Variants in MUC5B observed in about 807,000 individuals in gnomAD.
The protein encoded by MUC5B is mucin-5B.
MUC5B carries 116 observed loss-of-function variants against 376.9 expected under a neutral mutation model. That is an observed-to-expected ratio of 0.31 (90% CI 0.26 to 0.36). The LOEUF is 0.36. Ranked by LOEUF, MUC5B falls within the 10% of genes least tolerant of loss-of-function variation. The probability of loss-of-function intolerance (pLI) is 1.00; values close to 1 mark genes in which losing one functional copy is unlikely to be tolerated. For synonymous variants in MUC5B, 3,517 were observed against 3,390.9 expected (o/e 1.04, Z -1.29); for missense variants, 7,165 against 7,769.9 (o/e 0.92, Z 2.93).
Position 1,253,386 on chromosome 11 carries a change from C to T in MUC5B, c.15217+406C>T, listed in dbSNP as rs969241202. Among the ~76,000 whole-genome samples the T allele has an allele frequency of 1.3e-5, 2 of 152,076 alleles. No individual in the cohort carries two copies. Among genetic ancestry groups the T allele is most frequent in the African/African-American group, 4.8e-5 (2 of 41,388 alleles). On this transcript the variant is annotated intron_variant, in intron 33 of 48. Transcript: ENST00000529681. The surrounding 1 kb of genome is among the most constrained non-coding windows in gnomAD (Gnocchi z 4.3). ...GGACCCTGCCCAGGGGCTTCTGGGG[C>T]CAGGAGAAGCTCAGGATGGAAGCGG...
chr11:1,249,979 A>C lies in MUC5B; in HGVS notation c.13099A>C (p.Thr4367Pro), dbSNP rs370357622. The change falls in exon 31 of 49, where the codon ACC (threonine) becomes CCC (proline). Residue 4367 changes from threonine to proline, a missense_variant. Coordinates refer to ENST00000529681, the MANE Select transcript of MUC5B (RefSeq NM_002458.3). Reference protein sequence around the residue: ...PETTHTSTVLTTKATTTRATS... With the variant: ...PETTHTSTVLPTKATTTRATS... ...GACCACCCACACCTCCACAGTGCTG[A>C]CCACGAAGGCCACCACGACAAGGGC... is the stretch of plus-strand genomic sequence containing the variant. 3.2e-5 allele frequency: 52 copies of C among 1,609,738 alleles called. No individual in the cohort carries two copies. The highest frequency in any genetic ancestry group is 4.3e-5 in the Non-Finnish European group (51 of 1,178,086).
At position 1,248,276 on chromosome 11, in the gene MUC5B, C is replaced by T. The variant is rs368715798; in HGVS notation, c.11396C>T (p.Ser3799Phe). 2 of 1,599,808 alleles carry T rather than the reference C, an allele frequency of 1.3e-6. No homozygotes were observed. Among genetic ancestry groups the T allele is most frequent in the South Asian group, 1.1e-5 (1 of 90,732 alleles). ...GCTACCAGCTTTACAGCCATCCCCT[C>T]CTCCTCCCTGGGCACCACCTGGACC... ...PTATSFTAIP[S>F]SSLGTTWTRL... is the part of the protein sequence containing the mutation. The change falls in exon 31 of 49, where the codon TCC becomes TTC. Residue 3799 changes from serine to phenylalanine, a missense_variant. Physicochemically the swap from Ser to Phe is radical, Grantham distance 155. Transcript: ENST00000529681.
At chr11:1,252,147 T>G (rs1862719253) in intron 31 of MUC5B, among the ~76,000 whole-genome samples, 196 bp from the exon 32 acceptor site, 1 of 151,894 alleles carries the variant, frequency 6.6e-6, no homozygotes. Context: ...CTGGCCACAC[T>G]CGGTCCCCAC....
chr11:1,229,532 G>A (rs1250317793), intron 9 of MUC5B, among the ~76,000 whole-genome samples, 158 bp from the exon 10 acceptor site: 2 of 152,150 alleles, frequency 1.3e-5, no homozygotes, highest in Non-Finnish European at 2.9e-5. Flanking sequence ...GCCCAGAGGT[G>A]CTTGGTGTTC....
chr11:1,241,190 C>T lies in MUC5B; in HGVS notation c.4310C>T (p.Ala1437Val), dbSNP rs956553984. The change falls in exon 31 of 49, where the codon GCC becomes GTC. Residue 1437 changes from alanine (A) to valine (V), a missense_variant. This residue lies in a region of MUC5B where 517 missense variants were observed against 545.3 expected (regional missense o/e 0.95). Transcript: ENST00000529681. The stretch of plus-strand genomic sequence containing the variant: ...TACGTGCCCTGTGGCCCCTCCCCGG[C>T]CCCAGGCACCAGCCCTCAGCCCTCC... ...CEYVPCGPSPAPGTSPQPSLS... is the reference protein window; with the variant it reads ...CEYVPCGPSPVPGTSPQPSLS... The T allele has an allele frequency of 2.1e-5, 33 of 1,595,018 alleles. No homozygotes were observed. The highest frequency in any genetic ancestry group is 2.8e-5 in the Non-Finnish European group (33 of 1,171,260).
intron 4 of MUC5B, 37 bp from the exon 5 acceptor site, chr11:1,226,994 G>T (rs373351777): frequency 6.0e-5 from 95 of 1,587,374 alleles, no homozygotes; most frequent in Non-Finnish European, 7.5e-5. Flanking sequence ...GCAGCCAGGA[G>T]AGCGGGGCCC....
chr11:1,223,960 G>T (rs1861819994), intron 1 of MUC5B, among the ~76,000 whole-genome samples: 1 of 152,214 alleles, frequency 6.6e-6, no homozygotes, highest in Admixed American at 6.5e-5. Flanking sequence ...GGGCAGGTGA[G>T]GCTCCCTGGG....
Position 1,248,400 on chromosome 11 carries a change from G to T in MUC5B, c.11520G>T (p.Thr3840=). The T allele has an allele frequency of 6.2e-7, 1 of 1,608,896 alleles. No individual in the cohort carries two copies. Residue 3840 remains threonine (T), a synonymous_variant, in exon 31 of 49, where the codon ACG becomes ACT. Transcript: ENST00000529681. ...TAHTSTVLTT[T]ATTTRATGSV... ...ACACCTCCACAGTGCTTACCACCAC[G>T]GCCACCACAACCAGGGCCACCGGCT...
intron 1 of MUC5B, among the ~76,000 whole-genome samples, chr11:1,224,001 G>A (rs1397622123): frequency 1.3e-5 from 2 of 152,258 alleles, no homozygotes; most frequent in Non-Finnish European, 2.9e-5. Context: ...GGGAGGCTGG[G>A]TGGTCAGCAG....
rs748567446 is a variant in MUC5B at position 1,245,592 on chromosome 11, C to T, written c.8712C>T (p.Ala2904=). 158 of 1,583,964 alleles carry T rather than the reference C, an allele frequency of 1.0e-4. 2 individuals are homozygous for T. The South Asian group carries it at 1.1e-3, about 11-fold the overall frequency. Residue 2904 remains alanine (A), a synonymous_variant, in exon 31 of 49, where the codon GCC becomes GCT. Coordinates refer to ENST00000529681, the MANE Select transcript of MUC5B (RefSeq NM_002458.3). The part of the protein sequence containing the change: ...DFDTYSNIRA[A]GGAVCEQPLG... ...ACACCTACTCCAACATCCGTGCGGC[C>T]GGAGGGGCCGTCTGTGAGCAGCCCC...
intron 16 of MUC5B, 45 bp downstream of exon 16, chr11:1,232,589 G>T (rs1159903796): frequency 2.5e-6 from 4 of 1,602,180 alleles, no homozygotes; most frequent in Non-Finnish European, 2.6e-6. Context: ...AGGATGGGTG[G>T]GGGAGCCCTG....
rs1862440022 is a variant in MUC5B at position 1,245,808 on chromosome 11, C to T, written c.8928C>T (p.Ala2976=). 1 of 1,613,386 alleles carries T rather than the reference C, an allele frequency of 6.2e-7. No homozygotes were observed. The highest frequency in any genetic ancestry group is 2.2e-5 in the East Asian group (1 of 44,870). Residue 2976 remains alanine, a synonymous_variant, in exon 31 of 49, where the codon GCC becomes GCT. Coordinates refer to ENST00000529681, the MANE Select transcript of MUC5B (RefSeq NM_002458.3). ...ACGGCCACTGCCCCAGCACCCCGGC[C>T]ACCAGCTCTACGGCCACGCCCTCCT... ...CNYGHCPSTP[A]TSSTATPSST... is the part of the protein sequence containing the mutation.
chr11:1,259,617 C>A, intron 44 of MUC5B, 139 bp from the exon 45 acceptor site: 1 of 781,166 alleles, frequency 1.3e-6, no homozygotes, highest in South Asian at 1.7e-5. Flanking sequence ...TGAGTGGGGG[C>A]AACTTCTTCG....
chr11:1,230,611 G>A lies in MUC5B; in HGVS notation c.1470+11G>A, dbSNP rs1564932708. ...GACGGCGGGGACACGGTGAGGACCT[G>A]GCTGGGGCCCTGGGCTGGGACAGGA... On this transcript the variant is annotated intron_variant, in intron 12 of 48. Transcript: ENST00000529681. 1 of 1,599,332 alleles carries A rather than the reference G, an allele frequency of 6.3e-7. No homozygotes were observed. The highest frequency in any genetic ancestry group is 1.1e-5 in the South Asian group (1 of 89,894).
In MUC5B at chr11:1,248,552, T is replaced by C. The variant is rs1237553205; in HGVS notation, c.11672T>C (p.Ile3891Thr). The part of the protein sequence containing the change: ...PGTARTPPVW[I>T]STTTTPTTSG... ...ACGGCACGCACGCCTCCAGTGTGGATCAGCACAACCACCACACCCACAACC... is the reference window on the plus strand; with the variant it reads ...ACGGCACGCACGCCTCCAGTGTGGACCAGCACAACCACCACACCCACAACC... Residue 3891 changes from isoleucine to threonine, a missense_variant, in exon 31 of 49, where the codon ATC (isoleucine) becomes ACC (threonine). By Grantham distance (89) the Ile-to-Thr change is moderately conservative. Around this residue, in one of 31 missense-constraint regions of MUC5B, gnomAD observed 242 missense variants for 199.0 expected, o/e 1.22. Transcript: ENST00000529681. 1 of 1,612,608 alleles carries C rather than the reference T, an allele frequency of 6.2e-7. No individual in the cohort carries two copies. The highest frequency in any genetic ancestry group is 2.2e-5 in the East Asian group (1 of 44,822).
Position 1,250,229 on chromosome 11 carries a change from T to C in MUC5B, c.13349T>C (p.Leu4450Pro). The C allele has an allele frequency of 6.2e-7, 1 of 1,604,288 alleles. No homozygotes were observed. Among genetic ancestry groups the C allele is most frequent in the Non-Finnish European group, 8.5e-7 (1 of 1,175,328 alleles). Residue 4450 changes from leucine to proline, a missense_variant, in exon 31 of 49, where the codon CTC becomes CCC. Leu to Pro is a moderately conservative substitution (Grantham distance 98, BLOSUM62 -3). Transcript: ENST00000529681. Reference protein sequence around the residue: ...PSSTPGTTWILTEPSTTATVT... With the variant: ...PSSTPGTTWIPTEPSTTATVT... ...TCCACCCCAGGGACCACCTGGATCC[T>C]CACAGAGCCGAGCACTACAGCCACC... is the stretch of plus-strand genomic sequence containing the variant.
Position 1,233,829 on chromosome 11 carries a change from C to G in MUC5B, c.2358C>G (p.Ala786=). 1 of 1,604,714 alleles carries G rather than the reference C, an allele frequency of 6.2e-7. No individual in the cohort carries two copies. Among genetic ancestry groups the G allele is most frequent in the Non-Finnish European group, 8.5e-7 (1 of 1,176,276 alleles). ...GTGGGAAGCTAAGCTGCCTGGGAGC[C>G]TCTCTGCAGAAAAGCACAGGTAAGT... ...CTGGKLSCLG[A]SLQKSTGCAA... is the part of the protein sequence containing the mutation. The change falls in exon 19 of 49, where the codon GCC becomes GCG. Residue 786 remains alanine (A), a synonymous_variant. Transcript: ENST00000529681.
Position 1,245,854 on chromosome 11 carries a change from A to T in MUC5B, c.8974A>T (p.Ile2992Phe), listed in dbSNP as rs1862442092. The change falls in exon 31 of 49, where the codon ATC becomes TTC. Residue 2992 changes from isoleucine (I) to phenylalanine (F), a missense_variant. Ile to Phe is a conservative substitution (Grantham distance 21). Coordinates refer to ENST00000529681, the MANE Select transcript of MUC5B (RefSeq NM_002458.3). Reference sequence around the variant, plus strand: ...CTCCTCCACTCCAGGGACGACCTGGATCCTCACAGAGCAGACCACAGCAGC... The same window carrying T: ...CTCCTCCACTCCAGGGACGACCTGGTTCCTCACAGAGCAGACCACAGCAGC... ...TPSSTPGTTW[I>F]LTEQTTAATT... 6.2e-7 allele frequency: 1 copy of T among 1,613,312 alleles called. No individual in the cohort carries two copies. Among genetic ancestry groups the T allele is most frequent in the African/African-American group, 1.3e-5 (1 of 74,622 alleles).
At chr11:1,230,225 G>T in intron 11 of MUC5B, 82 bp downstream of exon 11, 1 of 1,496,896 alleles carries the variant, frequency 6.7e-7, no homozygotes, top group Non-Finnish European at 8.9e-7. Context: ...AGGCCCCCAC[G>T]ATGGTCATAG....
Sources: allele counts gnomAD v4.1 joint callset (sites outside exome capture counted in the v4.1 genomes callset), GRCh38; gene constraint gnomAD v4.1.1; regional missense constraint gnomAD v4.1.1; non-coding constraint Gnocchi (gnomAD v3.1); transcripts MANE v1.5; gene names NCBI Gene and HGNC (gene_info 2026-07-23, HGNC 2026-07-21).